The following EPB41L2 variants were observed in gnomAD, a reference collection of about 807,000 sequenced individuals.
The protein encoded by EPB41L2 is band 4.1-like protein 2.
A neutral mutation model predicts 113.0 loss-of-function variants in EPB41L2; 43 were observed. The observed-to-expected ratio is 0.38, with a 90% CI of 0.30 to 0.49. EPB41L2 has a LOEUF of 0.49. EPB41L2 is among the 20% of genes least tolerant of loss of function. EPB41L2 has a pLI of 0.95. For synonymous variants in EPB41L2, 442 were observed against 436.7 expected, an observed-to-expected ratio of 1.01 and a Z score of -0.15; for missense variants, 1,147 against 1,223.4, an observed-to-expected ratio of 0.94 and a Z score of 0.93.
At chr6:130,992,406 A>G (rs947305185) in intron 1 of EPB41L2, among the ~76,000 whole-genome samples, 1 of 152,068 alleles carries the variant, frequency 6.6e-6, no homozygotes, top group Non-Finnish European at 1.5e-5. Flanking sequence ...TACCCCCCAT[A>G]CCCTAATAAC....
At chr6:130,861,990 C>CA (rs1782271226) in intron 18 of EPB41L2, among the ~76,000 whole-genome samples, 1 of 151,896 alleles carries the variant, frequency 6.6e-6, no homozygotes, top group Non-Finnish European at 1.5e-5. Flanking sequence ...ACATCATATA[C>CA]AAAAAAGGAG....
At chr6:130,949,247 C>A (rs1813973633) in intron 3 of EPB41L2, among the ~76,000 whole-genome samples, 1 of 152,102 alleles carries the variant, frequency 6.6e-6, no homozygotes, top group Non-Finnish European at 1.5e-5. Flanking sequence ...TACATAAACA[C>A]AAATGCACAC....
intron 1 of EPB41L2, among the ~76,000 whole-genome samples, chr6:131,020,944 C>G (rs1386406124): frequency 6.6e-6 from 1 of 152,140 alleles, no homozygotes; most frequent in African/African-American, 2.4e-5. Flanking sequence ...CATGTGCCAC[C>G]CCACCAGGCT....
At chr6:131,048,900 GAA>G (rs1274189712) in intron 1 of EPB41L2, among the ~76,000 whole-genome samples, 1 of 147,068 alleles carries the variant, frequency 6.8e-6, no homozygotes, top group Admixed American at 6.8e-5. Context: ...AACCTAACCA[GAA>G]AAAAAAAAGT....
intron 1 of EPB41L2, among the ~76,000 whole-genome samples, chr6:131,008,466 G>A (rs541050813): frequency 4.6e-5 from 7 of 152,378 alleles, no homozygotes; most frequent in Admixed American, 6.5e-5. Flanking sequence ...AGGGCAGTGC[G>A]GAAGGGAAAT....
chr6:130,956,313 C>G lies in EPB41L2; in HGVS notation c.173G>C (p.Ser58Thr). 3 of 1,614,154 alleles carry G rather than the reference C, an allele frequency of 1.9e-6. No homozygotes were observed. The highest frequency in any genetic ancestry group is 2.5e-6 in the Non-Finnish European group (3 of 1,180,030). The change falls in exon 2 of 20, where the codon AGT (serine) becomes ACT (threonine). Residue 58 changes from serine (S) to threonine (T), a missense_variant. By Grantham distance (58) the Ser-to-Thr change is moderately conservative (BLOSUM62 1). Coordinates refer to ENST00000337057, the MANE Select transcript of EPB41L2 (RefSeq NM_001431.4). ...CTTCTCTCTCTTCTGGCGGCGTAGA[C>G]TACTTTGGCTTTCAGCTGCAGGAGG... ...QPPPAAESQS[S>T]LRRQKREKET...
intron 11 of EPB41L2, among the ~76,000 whole-genome samples, chr6:130,887,532 G>T (rs1353549577): frequency 1.3e-5 from 2 of 152,160 alleles, no homozygotes; most frequent in Admixed American, 6.5e-5. Flanking sequence ...CCAAGGCCCT[G>T]CATGATCTGA....
intron 2 of EPB41L2, 127 bp downstream of exon 2, chr6:130,955,867 G>A (rs182203302): frequency 2.9e-5 from 43 of 1,458,240 alleles, no homozygotes; most frequent in East Asian, 4.5e-5. Context: ...GACCCATTCC[G>A]TATACATTAA....
intron 3 of EPB41L2, among the ~76,000 whole-genome samples, chr6:130,929,493 C>T (rs762366752): frequency 2.8e-4 from 43 of 152,184 alleles, no homozygotes; most frequent in Non-Finnish European, 4.7e-4. Context: ...TTACCCTGTC[C>T]GACTCTCAGA....
intron 1 of EPB41L2, among the ~76,000 whole-genome samples, chr6:131,007,478 C>T (rs12527232): frequency 0.16 from 25,063 of 151,950 alleles, 2,193 homozygotes; most frequent in African/African-American, 0.22. Context: ...AGTGGGGTGC[C>T]GCTGTAAAGA....
At chr6:130,845,539 A>C (rs1411851295) in intron 19 of EPB41L2, among the ~76,000 whole-genome samples, 1 of 152,018 alleles carries the variant, frequency 6.6e-6, no homozygotes, top group Non-Finnish European at 1.5e-5. Context: ...CATCACACCC[A>C]GCTAATTTTT....
intron 1 of EPB41L2, among the ~76,000 whole-genome samples, chr6:131,055,803 A>G (rs2128204924): frequency 6.6e-6 from 1 of 152,316 alleles, no homozygotes; most frequent in African/African-American, 2.4e-5. Flanking sequence ...TAAAGTACCA[A>G]TTATAGCACC....
chr6:130,996,456 T>C (rs1446084660), intron 1 of EPB41L2, among the ~76,000 whole-genome samples: 1 of 152,202 alleles, frequency 6.6e-6, no homozygotes, highest in African/African-American at 2.4e-5. Context: ...TTAAGAGTTA[T>C]AATATAGACT....
At chr6:130,904,023 G>C (rs1179762277) in intron 6 of EPB41L2, among the ~76,000 whole-genome samples, 1 of 152,182 alleles carries the variant, frequency 6.6e-6, no homozygotes, top group African/African-American at 2.4e-5. Context: ...GTTCTGGAGG[G>C]AGAAGAGAGA....
At chr6:130,893,241 A>C (rs1793544865) in intron 10 of EPB41L2, among the ~76,000 whole-genome samples, 1 of 152,240 alleles carries the variant, frequency 6.6e-6, no homozygotes, top group Admixed American at 6.5e-5. Context: ...CCACTAGGGA[A>C]CAAATAATTT....
chr6:130,944,271 CA>C (rs1208177559), intron 3 of EPB41L2, among the ~76,000 whole-genome samples: 2 of 150,784 alleles, frequency 1.3e-5, no homozygotes, highest in African/African-American at 4.9e-5. Flanking sequence ...CATAAATAAA[CA>C]AATGCTATCA....
intron 1 of EPB41L2, among the ~76,000 whole-genome samples, chr6:131,048,750 G>A (rs1795972938): frequency 6.6e-6 from 1 of 152,042 alleles, no homozygotes; most frequent in Admixed American, 6.5e-5. Context: ...TGAATATATT[G>A]AAAATTTTCC....
intron 13 of EPB41L2, among the ~76,000 whole-genome samples, chr6:130,878,903 C>T (rs751614945): frequency 5.3e-4 from 80 of 152,296 alleles, no homozygotes; most frequent in Middle Eastern, 6.8e-3. Flanking sequence ...AATAAATAAA[C>T]CACAGACTGG....
chr6:130,916,430 G>GA (rs201178081), intron 4 of EPB41L2, among the ~76,000 whole-genome samples: 10 of 150,126 alleles, frequency 6.7e-5, no homozygotes, highest in East Asian at 1.9e-4. Flanking sequence ...CATCTAGGGG[G>GA]AAAAAAAAAG....
Sources: gnomAD v4.1 joint callset for allele counts (sites outside exome capture counted in the v4.1 genomes callset) on GRCh38, gnomAD v4.1.1 for gene constraint, MANE v1.5 for transcripts, NCBI Gene and HGNC (gene_info 2026-07-23, HGNC 2026-07-21) for gene names.